SOX6: variants seen among roughly 807,000 people sequenced by gnomAD.
The protein encoded by SOX6 is SRY-box transcription factor 6.
A neutral mutation model predicts 97.8 loss-of-function variants in SOX6; 11 were observed. That is an observed-to-expected ratio of 0.11 (90% CI 0.07 to 0.19). SOX6 has a LOEUF of 0.19. Among genes scored for constraint, SOX6 ranks in the 10% least tolerant of loss-of-function variants. SOX6 has a pLI of 1.00. For synonymous variants in SOX6, 360 were observed against 371.4 expected, an observed-to-expected ratio of 0.97 and a Z score of 0.35; for missense variants, 810 against 1,039.5, an observed-to-expected ratio of 0.78 and a Z score of 3.04.
intron 1 of SOX6, among the ~76,000 whole-genome samples, chr11:16,362,451 A>C (rs1346475440): frequency 2.6e-5 from 4 of 152,138 alleles, no homozygotes. Flanking sequence ...TGTGATAGAC[A>C]CTCAAAAAAG....
chr11:16,068,049 G>A (rs767480076), intron 9 of SOX6, among the ~76,000 whole-genome samples: 6 of 152,166 alleles, frequency 3.9e-5, no homozygotes, highest in Non-Finnish European at 7.4e-5. Flanking sequence ...CTTCTAGTGT[G>A]ACAGACATCA....
intron 6 of SOX6, among the ~76,000 whole-genome samples, chr11:16,146,297 A>G (rs1349878237): frequency 6.6e-6 from 1 of 152,338 alleles, no homozygotes; most frequent in Admixed American, 6.5e-5. Context: ...CTGGCTAGCC[A>G]TATGTAGAAA....
chr11:16,579,328 T>C (rs1848010240), intron 4 of SOX6, among the ~76,000 whole-genome samples: 1 of 151,958 alleles, frequency 6.6e-6, no homozygotes, highest in South Asian at 2.1e-4. Context: ...CTAAATTCAG[T>C]CCATCAAGGT....
intron 2 of SOX6, among the ~76,000 whole-genome samples, chr11:16,721,851 A>T (rs190440832): frequency 6.6e-5 from 10 of 151,926 alleles, no homozygotes; most frequent in Admixed American, 1.3e-4. Flanking sequence ...TTGCACAGAC[A>T]AATGGAACAG....
chr11:16,674,337 T>C (rs898418129), intron 3 of SOX6, among the ~76,000 whole-genome samples: 3 of 152,126 alleles, frequency 2.0e-5, no homozygotes, highest in African/African-American at 7.2e-5. Flanking sequence ...AAGCATTTGA[T>C]AAGATTCAAC....
At chr11:16,524,660 G>T (rs1191636649) in intron 4 of SOX6, among the ~76,000 whole-genome samples, 1 of 151,878 alleles carries the variant, frequency 6.6e-6, no homozygotes, top group African/African-American at 2.4e-5. Context: ...GGAAATAAAG[G>T]GTATTCAATT....
intron 6 of SOX6, among the ~76,000 whole-genome samples, chr11:16,169,039 A>T (rs1850962599): frequency 1.3e-5 from 2 of 152,086 alleles, no homozygotes; most frequent in Admixed American, 1.3e-4. Flanking sequence ...GGATTTCCTA[A>T]TTTTTCTATA....
intron 1 of SOX6, among the ~76,000 whole-genome samples, chr11:16,421,623 T>C (rs1859023341): frequency 6.6e-6 from 1 of 152,210 alleles, no homozygotes; most frequent in South Asian, 2.1e-4. Flanking sequence ...TTCAATGATA[T>C]TGTACAAAAG....
At chr11:16,571,745 G>A (rs181580068) in intron 4 of SOX6, among the ~76,000 whole-genome samples, 34 of 152,170 alleles carry the variant, frequency 2.2e-4, no homozygotes, top group Non-Finnish European at 3.4e-4. Context: ...TCTGCCTCCC[G>A]GGTTCAAGCA....
At chr11:16,018,203 C>G (rs763475667) in intron 12 of SOX6, among the ~76,000 whole-genome samples, 4 of 152,098 alleles carry the variant, frequency 2.6e-5, no homozygotes, top group Non-Finnish European at 5.9e-5. Flanking sequence ...CATCCATCAT[C>G]TTCACGTATT....
At chr11:16,165,268 C>A (rs1850857501) in intron 6 of SOX6, among the ~76,000 whole-genome samples, 1 of 152,108 alleles carries the variant, frequency 6.6e-6, no homozygotes, top group Admixed American at 6.6e-5. Flanking sequence ...AATTAAAAAT[C>A]ATTTTACTTA....
chr11:16,024,042 G>C (rs959671720), intron 12 of SOX6, among the ~76,000 whole-genome samples: 1 of 152,130 alleles, frequency 6.6e-6, no homozygotes, highest in Admixed American at 6.6e-5. Context: ...GCAGTGGTTA[G>C]GTTAAAATGA....
intron 4 of SOX6, among the ~76,000 whole-genome samples, chr11:16,611,082 T>A (rs2133982501): frequency 6.6e-6 from 1 of 152,338 alleles, no homozygotes; most frequent in Non-Finnish European, 1.5e-5. Flanking sequence ...CGAATGTCCC[T>A]GCGCACCGCA....
intron 2 of SOX6, among the ~76,000 whole-genome samples, chr11:16,330,249 C>T (rs945766912): frequency 2.6e-5 from 4 of 152,146 alleles, no homozygotes; most frequent in Admixed American, 2.0e-4. Flanking sequence ...ATTAAATCAA[C>T]ATTCTATCAA....
chr11:16,032,791 C>T (rs1312537287), intron 12 of SOX6, among the ~76,000 whole-genome samples: 3 of 152,076 alleles, frequency 2.0e-5, no homozygotes, highest in Non-Finnish European at 4.4e-5. Flanking sequence ...CATTATTCCC[C>T]ATATGCAGAC....
chr11:16,101,787 A>T (rs1291514198), intron 7 of SOX6, among the ~76,000 whole-genome samples: 3 of 151,916 alleles, frequency 2.0e-5, no homozygotes, highest in Non-Finnish European at 4.4e-5. Flanking sequence ...TCACATGATC[A>T]TCTCAATATA....
intron 3 of SOX6, among the ~76,000 whole-genome samples, chr11:16,624,670 T>A (rs1286648067): frequency 6.6e-6 from 1 of 152,216 alleles, no homozygotes; most frequent in African/African-American, 2.4e-5. Flanking sequence ...AGATTTTAAT[T>A]AGATTTATGT....
intron 1 of SOX6, among the ~76,000 whole-genome samples, chr11:16,420,696 T>C (rs181344929): frequency 6.6e-6 from 1 of 152,330 alleles, no homozygotes; most frequent in African/African-American, 2.4e-5. Flanking sequence ...GGGTGAAAAC[T>C]TAATTTTTGT....
chr11:16,646,127 C>G (rs913763769), intron 3 of SOX6: 1 of 152,106 alleles, frequency 6.6e-6, no homozygotes, highest in Non-Finnish European at 1.5e-5. Flanking sequence ...TCACCTGGGA[C>G]AAGGTGTTTT....
Sources: allele counts gnomAD v4.1 joint callset (sites outside exome capture counted in the v4.1 genomes callset), GRCh38; gene constraint gnomAD v4.1.1; transcripts MANE v1.5; gene names NCBI Gene and HGNC (gene_info 2026-07-23, HGNC 2026-07-21).